The following SLC25A26 variants were observed in gnomAD, a reference collection of about 807,000 sequenced individuals.
SLC25A26 encodes mitochondrial S-adenosylmethionine carrier protein.
Under a neutral mutation model 37.8 loss-of-function variants are expected in SLC25A26, and 36 were observed. The observed-to-expected ratio is 0.95, with a 90% confidence interval of 0.73 to 1.26. The LOEUF is 1.26. Among genes scored for constraint, SLC25A26 ranks in the 50% most tolerant of loss-of-function variants. The pLI is 0.00. For synonymous variants in SLC25A26, 129 were observed against 122.5 expected (o/e 1.05, Z -0.35); for missense variants, 390 against 331.1 (o/e 1.18, Z -1.38).
At chr3:66,374,354 G>T (rs180934984) in intron 9 of SLC25A26, among the ~76,000 whole-genome samples, 1 of 152,092 alleles carries the variant, frequency 6.6e-6, no homozygotes, top group African/African-American at 2.4e-5. Context: ...GTGATCAGCC[G>T]TCTTCGATGT....
chr3:66,323,645 A>G (rs1461018318), intron 5 of SLC25A26, among the ~76,000 whole-genome samples: 1 of 152,062 alleles, frequency 6.6e-6, no homozygotes, highest in Non-Finnish European at 1.5e-5. Flanking sequence ...TGTCTCTACA[A>G]AAAGAAAAAA....
chr3:66,363,689 A>G (rs1439869377), intron 7 of SLC25A26, among the ~76,000 whole-genome samples: 3 of 152,218 alleles, frequency 2.0e-5, no homozygotes, highest in Admixed American at 2.0e-4. Flanking sequence ...TTTAGTTGAG[A>G]TGTGAAGCCA....
chr3:66,242,859 A>T (rs901449007), intron 2 of SLC25A26, among the ~76,000 whole-genome samples: 2 of 152,246 alleles, frequency 1.3e-5, no homozygotes, highest in Non-Finnish European at 1.5e-5. Flanking sequence ...ATGGCCATCC[A>T]TAATGATATT....
At chr3:66,196,814 T>C (rs2071050554) in intron 1 of SLC25A26, among the ~76,000 whole-genome samples, 1 of 152,158 alleles carries the variant, frequency 6.6e-6, no homozygotes, top group Admixed American at 6.5e-5. Flanking sequence ...CTTTTCTTTC[T>C]TTTTCTGTAG....
chr3:66,235,376 A>T (rs1372071767), intron 1 of SLC25A26, among the ~76,000 whole-genome samples: 1 of 152,198 alleles, frequency 6.6e-6, no homozygotes, highest in East Asian at 1.9e-4. Context: ...CAGTTTTTAA[A>T]GTACAGCTTC....
rs1253739560 is a variant in SLC25A26 at position 66,204,425 on chromosome 3, CA to C, written c.-353-16303del. 6.9e-3 allele frequency among the ~76,000 whole-genome samples: 465 copies of C among 66,958 alleles called. 5 individuals are homozygous for C. Among genetic ancestry groups the C allele is most frequent in the Middle Eastern group, 0.056 (3 of 54 alleles). 43.9% of individuals were successfully genotyped at this position (66,958 alleles called of 152,430 possible). On this transcript the variant is annotated intron_variant, in intron 1 of 10. Transcript: ENST00000676754. ...TGGGCGACTGAGTGATACTCCGTCT[CA>C]AAAAAAAAAAAAAGAAAAAAAGAAA...
intron 1 of SLC25A26, among the ~76,000 whole-genome samples, chr3:66,197,897 G>C (rs1234589722): frequency 6.6e-6 from 1 of 152,164 alleles, no homozygotes; most frequent in Non-Finnish European, 1.5e-5. Context: ...AGTCAGCTCA[G>C]AGTCAGCATG....
intron 6 of SLC25A26, among the ~76,000 whole-genome samples, chr3:66,348,599 A>C (rs2076380788): frequency 6.6e-6 from 1 of 152,240 alleles, no homozygotes; most frequent in South Asian, 2.1e-4. Flanking sequence ...GAAGAGTATC[A>C]TAAAAATTAT....
chr3:66,199,176 C>T (rs2071080993), intron 1 of SLC25A26, among the ~76,000 whole-genome samples: 1 of 152,040 alleles, frequency 6.6e-6, no homozygotes, highest in African/African-American at 2.4e-5. Context: ...GACCATCACC[C>T]TGACTTTGAT....
chr3:66,326,745 A>C (rs1462947864), intron 5 of SLC25A26, among the ~76,000 whole-genome samples: 1 of 152,170 alleles, frequency 6.6e-6, no homozygotes, highest in Non-Finnish European at 1.5e-5. Flanking sequence ...GTTGAGCCCC[A>C]AATGTGTTCA....
At chr3:66,251,071 G>T (rs1311135271) in intron 3 of SLC25A26, among the ~76,000 whole-genome samples, 1 of 152,232 alleles carries the variant, frequency 6.6e-6, no homozygotes, top group South Asian at 2.1e-4. Context: ...GCAAGGAGGG[G>T]TGTTAGAGTT....
chr3:66,358,815 A>G (rs2076633953), intron 6 of SLC25A26, among the ~76,000 whole-genome samples: 1 of 152,206 alleles, frequency 6.6e-6, no homozygotes, highest in South Asian at 2.1e-4. Flanking sequence ...AGATAATAAA[A>G]ATTACATGTA....
At chr3:66,174,655 G>A (rs1252251715) in intron 1 of SLC25A26, among the ~76,000 whole-genome samples, 1 of 152,014 alleles carries the variant, frequency 6.6e-6, no homozygotes, top group Admixed American at 6.5e-5. Context: ...GCATGGTGGC[G>A]GGCGCCTGTA....
chr3:66,181,681 C>G (rs1211092498), intron 1 of SLC25A26, among the ~76,000 whole-genome samples: 2 of 151,904 alleles, frequency 1.3e-5, no homozygotes, highest in Non-Finnish European at 2.9e-5. Context: ...AAAGTAGAGC[C>G]AGGCTTCAAA....
chr3:66,247,854 A>G (rs1470702836), intron 3 of SLC25A26, among the ~76,000 whole-genome samples: 2 of 152,226 alleles, frequency 1.3e-5, no homozygotes. Flanking sequence ...TCATGGAAGT[A>G]TGGTTGCCAA....
chr3:66,331,467 C>G (rs1462618919), intron 5 of SLC25A26, among the ~76,000 whole-genome samples: 1 of 152,116 alleles, frequency 6.6e-6, no homozygotes. Context: ...CATGCCTATC[C>G]TTTTATTTCC....
chr3:66,146,436 G>A (rs888336970), intron 1 of SLC25A26, among the ~76,000 whole-genome samples: 2 of 151,740 alleles, frequency 1.3e-5, no homozygotes, highest in South Asian at 4.2e-4. Context: ...AATATAATAT[G>A]GAAAGTTATA....
At chr3:66,236,492 ATT>A in intron 1 of SLC25A26, 50 bp from the exon 2 acceptor site, 2 of 1,398,186 alleles carry the variant, frequency 1.4e-6, no homozygotes, top group Non-Finnish European at 1.9e-6. Flanking sequence ...CCGAGAGCTT[ATT>A]TTGTTGTAAC....
intron 1 of SLC25A26, among the ~76,000 whole-genome samples, chr3:66,191,410 C>A (rs1247903247): frequency 2.0e-5 from 3 of 151,754 alleles, no homozygotes; most frequent in Non-Finnish European, 4.4e-5. Context: ...GACACACACG[C>A]ACACAGAATC....
Sources: gnomAD v4.1 joint callset for allele counts (sites outside exome capture counted in the v4.1 genomes callset) on GRCh38, gnomAD v4.1.1 for gene constraint, MANE v1.5 for transcripts, NCBI Gene and HGNC (gene_info 2026-07-23, HGNC 2026-07-21) for gene names.